FAT1: variants seen among roughly 807,000 people sequenced by gnomAD.
FAT1 encodes the protein FAT atypical cadherin 1.
Under a neutral mutation model 329.8 loss-of-function variants are expected in FAT1, and 171 were observed. That is an observed-to-expected ratio of 0.52 (90% confidence interval 0.46 to 0.59). FAT1 has a LOEUF of 0.59. Among genes scored for constraint, FAT1 ranks in the 20% least tolerant of loss-of-function variants. The pLI, the probability that FAT1 is intolerant of heterozygous loss-of-function variation, is 0.00. For synonymous variants in FAT1, 2,233 were observed against 2,228.6 expected (o/e 1.00, Z -0.06); for missense variants, 5,672 against 5,774.4 (o/e 0.98, Z 0.57).
intron 22 of FAT1, 108 bp from the exon 23 acceptor site, chr4:186,598,233 T>C: frequency 9.0e-7 from 1 of 1,115,286 alleles, no homozygotes; most frequent in Non-Finnish European, 1.2e-6. Flanking sequence ...TAAAAGCTCG[T>C]AAAATTCTCA....
intron 9 of FAT1, among the ~76,000 whole-genome samples, chr4:186,624,838 G>A (rs1406179722): frequency 6.6e-6 from 1 of 152,168 alleles, no homozygotes; most frequent in Non-Finnish European, 1.5e-5. Context: ...TATTCCAACA[G>A]ATGTCCACCT....
chr4:186,604,649 T>C, intron 17 of FAT1, 75 bp from the exon 18 acceptor site: 1 of 906,550 alleles, frequency 1.1e-6, no homozygotes, highest in Non-Finnish European at 1.7e-6. Flanking sequence ...GACACATGAG[T>C]TTTCTATAAT....
At chr4:186,679,416 CAAAAAAAAAAAAAA>C (rs1169141587) in intron 2 of FAT1, among the ~76,000 whole-genome samples, 1 of 50,310 alleles carries the variant, frequency 2.0e-5, no homozygotes, top group African/African-American at 6.0e-5. Context: ...GACTCTGTCT[CAAAAAAAAAAAAAA>C]AAAAAAAAAA....
At chr4:186,719,498 T>C (rs1471333946) in intron 1 of FAT1, among the ~76,000 whole-genome samples, 1 of 152,220 alleles carries the variant, frequency 6.6e-6, no homozygotes, top group African/African-American at 2.4e-5. Flanking sequence ...CCTTTCGCCA[T>C]TGCAAAATAA....
intron 18 of FAT1, 26 bp from the exon 19 acceptor site, chr4:186,604,003 C>A (rs2126436383): frequency 1.3e-6 from 2 of 1,560,756 alleles, no homozygotes; most frequent in Non-Finnish European, 1.8e-6. Flanking sequence ...AATAAAATCA[C>A]CTTTGTCTAT....
chr4:186,597,133 C>T lies in FAT1; in HGVS notation c.12407G>A (p.Cys4136Tyr). 6.2e-7 allele frequency: 1 copy of T among 1,613,080 alleles called. No homozygotes were observed. Among genetic ancestry groups the T allele is most frequent in the Non-Finnish European group, 8.5e-7 (1 of 1,179,478 alleles). The change falls in exon 25 of 27, where the codon TGC (cysteine) becomes TAC (tyrosine). Residue 4136 changes from cysteine to tyrosine, a missense_variant. Cys to Tyr is a radical substitution (Grantham distance 194). Around this residue, in one of 2 missense-constraint regions of FAT1, gnomAD observed 1,706 missense variants for 1,859.1 expected, o/e 0.92. Coordinates refer to ENST00000441802, the MANE Select transcript of FAT1 (RefSeq NM_005245.4). ...SDIDECSGNP[C>Y]LHGALCENTH... ...GTTCTCACAGAGGGCCCCGTGCAGG[C>T]AAGGGTTTCCAGAGCACTCGTCGAT...
intron 21 of FAT1, 112 bp downstream of exon 21, chr4:186,601,157 A>G: frequency 3.0e-6 from 3 of 989,214 alleles, no homozygotes; most frequent in Non-Finnish European, 4.3e-6. Context: ...TAAATGTGGA[A>G]TTCAACCATT....
chr4:186,588,830 C>T lies in FAT1; in HGVS notation c.13529G>A (p.Ser4510Asn), dbSNP rs1177863432. 3.7e-6 allele frequency: 6 copies of T among 1,613,872 alleles called. No individual in the cohort carries two copies. Among genetic ancestry groups the T allele is most frequent in the African/African-American group, 2.7e-5 (2 of 74,906 alleles). ...EPQTKGTGEN[S>N]TCREPHAPYP... Reference sequence around the variant, plus strand: ...AGGGGCATGGGGTTCTCTACAAGTACTATTCTCACCAGTGCCTTTTGTTTG... The same window carrying T: ...AGGGGCATGGGGTTCTCTACAAGTATTATTCTCACCAGTGCCTTTTGTTTG... The change falls in exon 27 of 27, where the codon AGT becomes AAT. Residue 4510 changes from serine to asparagine, a missense_variant. By Grantham distance (46) the Ser-to-Asn change is conservative. Coordinates refer to ENST00000441802, the MANE Select transcript of FAT1 (RefSeq NM_005245.4).
At chr4:186,657,127 C>A (rs941642289) in intron 3 of FAT1, among the ~76,000 whole-genome samples, 1 of 152,152 alleles carries the variant, frequency 6.6e-6, no homozygotes, top group Non-Finnish European at 1.5e-5. Flanking sequence ...CAGCTATGCA[C>A]CCCTATGTGA....
intron 3 of FAT1, among the ~76,000 whole-genome samples, chr4:186,645,957 A>AT (rs1181863540): frequency 6.2e-5 from 7 of 113,764 alleles, no homozygotes; most frequent in African/African-American, 1.4e-4. Flanking sequence ...AAAAAAAAAA[A>AT]AAAAAATATA....
In FAT1 at chr4:186,597,059, G is replaced by T. The variant is rs2126394239; in HGVS notation, c.12481C>A (p.His4161Asn). The change falls in exon 25 of 27, where the codon CAC becomes AAC. Residue 4161 changes from histidine to asparagine, a missense_variant. Physicochemically the swap from His to Asn is moderately conservative, Grantham distance 68 (BLOSUM62 1). Around this residue, in one of 2 missense-constraint regions of FAT1, gnomAD observed 1,706 missense variants for 1,859.1 expected, o/e 0.92. Coordinates refer to ENST00000441802, the MANE Select transcript of FAT1 (RefSeq NM_005245.4). ...TGGTTGGGCGCAGCATCCTCGCAGT[G>T]ACGTCCCCTGTACTCGTGGCTGCAG... The part of the protein sequence containing the change: ...CNCSHEYRGR[H>N]CEDAAPNQYV... 1 of 1,614,008 alleles carries T rather than the reference G, an allele frequency of 6.2e-7. No individual in the cohort carries two copies. The highest frequency in any genetic ancestry group is 8.5e-7 in the Non-Finnish European group (1 of 1,179,902).
intron 1 of FAT1, among the ~76,000 whole-genome samples, chr4:186,712,873 G>GA (rs1181496801): frequency 1.3e-5 from 2 of 152,140 alleles, no homozygotes; most frequent in Admixed American, 1.3e-4. Flanking sequence ...ACCCCGCAGA[G>GA]AAGCACTAGA....
intron 14 of FAT1, 44 bp from the exon 15 acceptor site, chr4:186,610,059 C>A (rs377024742): frequency 8.5e-7 from 1 of 1,173,874 alleles, no homozygotes; most frequent in South Asian, 1.3e-5. Flanking sequence ...GCAATGCCAC[C>A]ACATTTTCCC....
chr4:186,723,461 G>A (rs922984979), intron 1 of FAT1, among the ~76,000 whole-genome samples: 12 of 152,162 alleles, frequency 7.9e-5, no homozygotes, highest in Non-Finnish European at 1.3e-4. Flanking sequence ...TTCCCGCTCC[G>A]CCGCCGGGAC....
intron 9 of FAT1, among the ~76,000 whole-genome samples, chr4:186,626,787 AGAATGAAT>A (rs1288213027): frequency 5.9e-3 from 720 of 122,572 alleles, no homozygotes; most frequent in African/African-American, 0.024. Context: ...ACCAGCCCAC[AGAATGAAT>A]GAATGAATGA....
At chr4:186,635,243 A>C (rs1026388948) in intron 6 of FAT1, among the ~76,000 whole-genome samples, 6 of 152,184 alleles carry the variant, frequency 3.9e-5, no homozygotes, top group Non-Finnish European at 7.3e-5. Flanking sequence ...AGTCCCCCCC[A>C]GAGAGATGAA....
At chr4:186,616,189 G>C (rs1470395390) in intron 11 of FAT1, among the ~76,000 whole-genome samples, 2 of 152,032 alleles carry the variant, frequency 1.3e-5, no homozygotes, top group Non-Finnish European at 2.9e-5. Flanking sequence ...CTAAGCTTAA[G>C]AACTCGTCTC....
chr4:186,671,425 T>C (rs1435489631), intron 2 of FAT1, among the ~76,000 whole-genome samples: 1 of 152,156 alleles, frequency 6.6e-6, no homozygotes, highest in Non-Finnish European at 1.5e-5. Context: ...GGGCCGGGCA[T>C]GGTGGCTCAT....
intron 3 of FAT1, among the ~76,000 whole-genome samples, chr4:186,645,962 A>AT (rs1553993242): frequency 0.01 from 981 of 94,542 alleles, 40 homozygotes; most frequent in African/African-American, 0.041. Flanking sequence ...AAAAAAAAAA[A>AT]ATATATACAC....
Sources: allele counts gnomAD v4.1 joint callset (sites outside exome capture counted in the v4.1 genomes callset), GRCh38; gene constraint gnomAD v4.1.1; regional missense constraint gnomAD v4.1.1; transcripts MANE v1.5; gene names NCBI Gene and HGNC (gene_info 2026-07-23, HGNC 2026-07-21).